The following ARHGEF28 variants were observed in gnomAD, a reference collection of about 807,000 sequenced individuals.
The protein encoded by ARHGEF28 is 190 kDa guanine nucleotide exchange factor.
In ARHGEF28, 152 loss-of-function variants were observed where a neutral mutation model predicts 206.6. The ratio of observed to expected loss-of-function variants is 0.74; its 90% confidence interval spans 0.64 to 0.84. The LOEUF is 0.84. Among genes scored for constraint, ARHGEF28 ranks in the 40% least tolerant of loss-of-function variants. The pLI is 0.00. For missense variants in ARHGEF28, 2,028 were observed against 2,073.2 expected (o/e 0.98, Z 0.42); for synonymous variants, 763 against 776.4 (o/e 0.98, Z 0.29).
intron 2 of ARHGEF28, among the ~76,000 whole-genome samples, chr5:73,741,407 A>G (rs1253334694): frequency 4.5e-3 from 73 of 16,266 alleles, no homozygotes; most frequent in South Asian, 0.013. Context: ...ATATATATAT[A>G]TATATATATA....
chr5:73,866,055 T>C, intron 18 of ARHGEF28, 42 bp downstream of exon 18: 1 of 1,393,692 alleles, frequency 7.2e-7, no homozygotes, highest in South Asian at 1.3e-5. Flanking sequence ...AAAAATTTAA[T>C]ACATACTATA....
rs906635248 is a variant in ARHGEF28 at position 73,932,926 on chromosome 5, A to C, written c.4949-7918A>C. Among the ~76,000 whole-genome samples the C allele has an allele frequency of 4.9e-5, 7 of 144,002 alleles. No homozygotes were observed. The East Asian group carries it at 1.5e-3, about 30-fold the overall frequency. The allele number at this position is 144,002 out of a possible 152,430, so 94.5% of individuals were successfully genotyped here. ...CGGGTTCACGCCATTCTCCTGCCTC[A>C]GCCTCCCGTGTAGCTGGGACTACAG... On this transcript the variant is annotated intron_variant, in intron 35 of 35. Transcript: ENST00000513042.
intron 18 of ARHGEF28, 23 bp from the exon 19 acceptor site, chr5:73,867,853 G>C (rs758311855): frequency 1.2e-6 from 2 of 1,613,790 alleles, no homozygotes; most frequent in Non-Finnish European, 1.7e-6. Flanking sequence ...GAAACCACAT[G>C]AAGCATCTGT....
Position 73,941,089 on chromosome 5 carries a change from ATGTG to A in ARHGEF28, c.*79_*82del, listed in dbSNP as rs1742587958. The A allele has an allele frequency of 1.5e-6, 2 of 1,314,548 alleles. No homozygotes were observed. 81.4% of individuals were successfully genotyped at this position (1,314,548 alleles called of 1,614,324 possible). A position where few individuals can be genotyped will look rare whatever the true frequency, so the allele number is the denominator to read the frequency against. ...AACTTTTTGTCTCCATTCCTTATGT[ATGTG>A]TGATTGTCTGTGTCCAAATTGCTTT... On this transcript the variant is annotated 3_prime_UTR_variant, in exon 36 of 36. Transcript: ENST00000513042.
rs1368941784 is a variant in ARHGEF28, at chr5:73,846,431, T to G, written c.1591T>G (p.Ser531Ala). Residue 531 changes from serine (S) to alanine (A), a missense_variant, in exon 12 of 36, where the codon TCC becomes GCC. This residue lies in a region of ARHGEF28 where 1,002 missense variants were observed against 1,015.3 expected (regional missense o/e 0.99). Transcript: ENST00000513042. Reference sequence around the variant, plus strand: ...TAACACTGAACCGGATTTTAATATCTCCAGGGCTGAATCCCTTCCTCTATC... The same window carrying G: ...TAACACTGAACCGGATTTTAATATCGCCAGGGCTGAATCCCTTCCTCTATC... ...ETNTEPDFNI[S>A]RAESLPLSSN... The G allele has an allele frequency of 2.5e-6, 4 of 1,614,002 alleles. No homozygotes were observed. The South Asian group carries it at 3.3e-5, about 13-fold the overall frequency.
intron 33 of ARHGEF28, 153 bp downstream of exon 33, chr5:73,904,558 C>A: frequency 1.2e-6 from 1 of 809,522 alleles, no homozygotes; most frequent in Non-Finnish European, 1.9e-6. Flanking sequence ...GTTGGACTCA[C>A]ATGGTTTTGT....
chr5:73,764,048 G>A (rs866719133), intron 4 of ARHGEF28, among the ~76,000 whole-genome samples: 5 of 152,084 alleles, frequency 3.3e-5, no homozygotes, highest in African/African-American at 1.2e-4. Context: ...CCCAATACTG[G>A]CTTTTATAGT....
intron 2 of ARHGEF28, among the ~76,000 whole-genome samples, chr5:73,732,067 A>G (rs977783706): frequency 2.7e-5 from 4 of 148,260 alleles, no homozygotes; most frequent in African/African-American, 1.0e-4. Context: ...ACACATCATC[A>G]TCATCGAAAA....
At chr5:73,658,842 C>T (rs913601048) in intron 1 of ARHGEF28, among the ~76,000 whole-genome samples, 9 of 152,068 alleles carry the variant, frequency 5.9e-5, no homozygotes, top group Admixed American at 5.9e-4. Context: ...GGGAATTTTG[C>T]ATAGTATCTG....
intron 22 of ARHGEF28, among the ~76,000 whole-genome samples, chr5:73,874,233 T>C (rs1461116469): frequency 1.3e-5 from 2 of 152,270 alleles, no homozygotes; most frequent in East Asian, 1.9e-4. Context: ...TGTTTTCTTA[T>C]TGATGAATAT....
chr5:73,680,051 T>G (rs1488303931), intron 1 of ARHGEF28, among the ~76,000 whole-genome samples: 1 of 152,192 alleles, frequency 6.6e-6, no homozygotes, highest in Non-Finnish European at 1.5e-5. Flanking sequence ...GAGTCTTGTG[T>G]GTGGTGTTTT....
intron 1 of ARHGEF28, among the ~76,000 whole-genome samples, chr5:73,645,390 C>T (rs1363824805): frequency 6.6e-6 from 1 of 152,046 alleles, no homozygotes; most frequent in Non-Finnish European, 1.5e-5. Flanking sequence ...TTTCAAAATT[C>T]AGAAATGATG....
rs1239789092 is a variant in ARHGEF28, at chr5:73,941,060, G to A, written c.*47G>A. ...CAAAACAAAACACTGGCACTTTTGGGAGAAACTTTTTGTCTCCATTCCTTA... is the reference window on the plus strand; with the variant it reads ...CAAAACAAAACACTGGCACTTTTGGAAGAAACTTTTTGTCTCCATTCCTTA... On this transcript the variant is annotated 3_prime_UTR_variant, in exon 36 of 36. Coordinates refer to ENST00000513042, the MANE Select transcript of ARHGEF28 (RefSeq NM_001177693.2). 1.4e-6 allele frequency: 2 copies of A among 1,418,882 alleles called. No homozygotes were observed. The highest frequency in any genetic ancestry group is 2.9e-5 in the African/African-American group (2 of 69,020). The allele number at this position is 1,418,882 out of a possible 1,614,324, so 87.9% of individuals were successfully genotyped here.
intron 35 of ARHGEF28, among the ~76,000 whole-genome samples, chr5:73,938,160 C>CCACACA (rs199804024): frequency 0.18 from 24,680 of 139,392 alleles, 2,235 homozygotes; most frequent in East Asian, 0.23. Context: ...CTACACTACA[C>CCACACA]CACACACACA....
intron 1 of ARHGEF28, among the ~76,000 whole-genome samples, chr5:73,650,167 A>G (rs1307964732): frequency 6.6e-6 from 1 of 152,016 alleles, no homozygotes; most frequent in African/African-American, 2.4e-5. Flanking sequence ...AAAGTGGCTC[A>G]TGTAAGCTGG....
intron 6 of ARHGEF28, among the ~76,000 whole-genome samples, chr5:73,779,564 G>T (rs1753718440): frequency 6.6e-6 from 1 of 152,016 alleles, no homozygotes; most frequent in Admixed American, 6.6e-5. Flanking sequence ...AAGACGGGGG[G>T]TCAGGGCTAA....
intron 6 of ARHGEF28, chr5:73,778,380 T>A (rs1753654254): frequency 6.6e-6 from 1 of 152,238 alleles, no homozygotes; most frequent in Admixed American, 6.5e-5. Flanking sequence ...CTGATGACCT[T>A]GGGGAAGATT....
intron 5 of ARHGEF28, 63 bp from the exon 6 acceptor site, chr5:73,776,453 G>T: frequency 6.9e-7 from 1 of 1,458,078 alleles, no homozygotes; most frequent in Non-Finnish European, 9.3e-7. Flanking sequence ...TGATCCTAAG[G>T]GCTGGGATCC....
intron 1 of ARHGEF28, among the ~76,000 whole-genome samples, chr5:73,657,042 G>A (rs778786564): frequency 8.6e-5 from 13 of 151,834 alleles, no homozygotes; most frequent in South Asian, 4.2e-4. Context: ...GCATGGTGGC[G>A]GGCACGTGTA....
Sources: allele counts gnomAD v4.1 joint callset (sites outside exome capture counted in the v4.1 genomes callset), GRCh38; gene constraint gnomAD v4.1.1; regional missense constraint gnomAD v4.1.1; transcripts MANE v1.5; gene names NCBI Gene and HGNC (gene_info 2026-07-23, HGNC 2026-07-21).